Variants in ARHGAP19 observed in about 807,000 individuals in gnomAD.
ARHGAP19 encodes the protein rho GTPase-activating protein 19.
A neutral mutation model predicts 60.9 loss-of-function variants in ARHGAP19; 48 were observed. That is an observed-to-expected ratio of 0.79 (90% CI 0.62 to 1.00). ARHGAP19 has a LOEUF of 1.00. Ranked by LOEUF, ARHGAP19 falls within the 50% of genes least tolerant of loss-of-function variation. The pLI is 0.00. For synonymous variants in ARHGAP19, 209 were observed against 215.5 expected, an observed-to-expected ratio of 0.97 and a Z score of 0.27; for missense variants, 562 against 597.2, an observed-to-expected ratio of 0.94 and a Z score of 0.61.
intron 8 of ARHGAP19, among the ~76,000 whole-genome samples, chr10:97,236,317 T>G (rs748342135): frequency 2.2e-4 from 34 of 152,296 alleles, no homozygotes; most frequent in African/African-American, 5.1e-4. Flanking sequence ...ATTTCGGAAC[T>G]GTAAAAATTT....
chr10:97,243,105 T>A (rs1842513916), intron 8 of ARHGAP19, among the ~76,000 whole-genome samples: 1 of 152,208 alleles, frequency 6.6e-6, no homozygotes, highest in Non-Finnish European at 1.5e-5. Flanking sequence ...TTGCTAGATC[T>A]CAAAGTAATT....
chr10:97,260,021 G>C (rs902648263), intron 4 of ARHGAP19, among the ~76,000 whole-genome samples: 3 of 151,462 alleles, frequency 2.0e-5, no homozygotes, highest in Non-Finnish European at 4.4e-5. Flanking sequence ...ATTTTTAGTA[G>C]AGGCGGGGTT....
chr10:97,288,495 G>A (rs770625732), intron 1 of ARHGAP19, among the ~76,000 whole-genome samples: 162 of 151,388 alleles, frequency 1.1e-3, no homozygotes, highest in African/African-American at 3.7e-3. Flanking sequence ...CAGGAGAATC[G>A]CTTGAACTCG....
chr10:97,257,053 A>G (rs1055902599), intron 5 of ARHGAP19, among the ~76,000 whole-genome samples: 19 of 152,082 alleles, frequency 1.2e-4, no homozygotes, highest in South Asian at 2.1e-4. Context: ...CCCGGGAGGC[A>G]GAGCTTGCAG....
In ARHGAP19 at chr10:97,229,156, C is replaced by G; in HGVS notation, c.1465G>C (p.Gly489Arg). The change falls in exon 11 of 12, where the codon GGG becomes CGG. Residue 489 changes from glycine (G) to arginine (R), a missense_variant. Transcript: ENST00000358531. ...RLKWSEGKKE[G>R]KKGFL ...TAAGTACAATTAGTACCTTTTTTCCCCTCTTTCTTCCCTTCAGACCACTTC... is the reference window on the plus strand; with the variant it reads ...TAAGTACAATTAGTACCTTTTTTCCGCTCTTTCTTCCCTTCAGACCACTTC... 6.2e-7 allele frequency: 1 copy of G among 1,613,706 alleles called. No individual in the cohort carries two copies. Among genetic ancestry groups the G allele is most frequent in the Non-Finnish European group, 8.5e-7 (1 of 1,179,656 alleles).
chr10:97,265,017 TG>T, intron 2 of ARHGAP19, 111 bp from the exon 3 acceptor site: 1 of 807,670 alleles, frequency 1.2e-6, no homozygotes, highest in African/African-American at 1.7e-5. Context: ...CATTTTCACA[TG>T]GTCAGTAAAC....
chr10:97,230,046 CA>C (rs144889449), intron 9 of ARHGAP19, among the ~76,000 whole-genome samples, 172 bp from the exon 10 acceptor site: 4,192 of 152,066 alleles, frequency 0.028, 181 homozygotes, highest in African/African-American at 0.092. Flanking sequence ...AGCATGTTAC[CA>C]AAAAAACCCA....
At chr10:97,237,558 A>G (rs975313053) in intron 8 of ARHGAP19, among the ~76,000 whole-genome samples, 1 of 152,154 alleles carries the variant, frequency 6.6e-6, no homozygotes, top group Non-Finnish European at 1.5e-5. Flanking sequence ...CATTATATAC[A>G]GTACATAATT....
intron 1 of ARHGAP19, among the ~76,000 whole-genome samples, chr10:97,268,590 C>T (rs980401990): frequency 2.0e-5 from 3 of 152,050 alleles, no homozygotes; most frequent in East Asian, 1.9e-4. Flanking sequence ...TGCTGGAAGG[C>T]GAAGGGGGAA....
intron 6 of ARHGAP19, among the ~76,000 whole-genome samples, chr10:97,250,633 C>T (rs917365366): frequency 3.3e-5 from 5 of 151,852 alleles, no homozygotes; most frequent in African/African-American, 1.2e-4. Flanking sequence ...CTGCCTTGGC[C>T]TCCCAAAGTG....
At chr10:97,258,631 A>G (rs1319805625) in intron 5 of ARHGAP19, 2 of 153,032 alleles carry the variant, frequency 1.3e-5, no homozygotes, top group Non-Finnish European at 2.9e-5. Flanking sequence ...AAACCATATT[A>G]TAAGTGGGCA....
intron 8 of ARHGAP19, among the ~76,000 whole-genome samples, chr10:97,236,498 T>C (rs1017959965): frequency 2.0e-5 from 3 of 152,142 alleles, no homozygotes; most frequent in Admixed American, 6.5e-5. Flanking sequence ...AAAATGCATC[T>C]TTCCTGATGG....
chr10:97,283,243 A>C (rs942763108), intron 1 of ARHGAP19, among the ~76,000 whole-genome samples: 3 of 152,194 alleles, frequency 2.0e-5, no homozygotes, highest in Admixed American at 6.5e-5. Context: ...CTGTAGAAAC[A>C]ACCCACCCTA....
At chr10:97,282,655 G>A (rs938801859) in intron 1 of ARHGAP19, among the ~76,000 whole-genome samples, 21 of 152,206 alleles carry the variant, frequency 1.4e-4, no homozygotes, top group Admixed American at 1.2e-3. Context: ...AGCAAGGTCT[G>A]GAACTCTGCC....
chr10:97,256,387 A>G lies in ARHGAP19; in HGVS notation c.858T>C (p.Leu286=), dbSNP rs1199788919. The G allele has an allele frequency of 6.2e-7, 1 of 1,613,836 alleles. No homozygotes were observed. The highest frequency in any genetic ancestry group is 8.5e-7 in the Non-Finnish European group (1 of 1,179,856). The change falls in exon 6 of 12, where the codon CTT becomes CTC. Residue 286 remains leucine (L), a synonymous_variant. Coordinates refer to ENST00000358531, the MANE Select transcript of ARHGAP19 (RefSeq NM_032900.6). ...LWPKNVTAND[L]QENITKLNSG... is the part of the protein sequence containing the mutation. ...TGTTTAACTTTGTGATATTCTCCTG[A>G]AGGTCATTTGCAGTGACCTATTCAG...
rs781445702 is a variant in ARHGAP19 at position 97,259,506 on chromosome 10, A to G, written c.736T>C (p.Leu246=). The stretch of plus-strand genomic sequence containing the variant: ...GCTGTCTGGTATAGGAGATCAAGCA[A>G]TAACTTCAGCAAATTACGATTAGGA... ...PPPNRNLLKL[L]LDLLYQTAKK... Residue 246 remains leucine, a synonymous_variant, in exon 5 of 12, where the codon TTG becomes CTG. Transcript: ENST00000358531. 56 of 1,614,110 alleles carry G rather than the reference A, an allele frequency of 3.5e-5. No individual in the cohort carries two copies. The highest frequency in any genetic ancestry group is 6.6e-5 in the South Asian group (6 of 91,090).
At chr10:97,238,161 C>T (rs1842411483) in intron 8 of ARHGAP19, among the ~76,000 whole-genome samples, 1 of 152,064 alleles carries the variant, frequency 6.6e-6, no homozygotes, top group African/African-American at 2.4e-5. Flanking sequence ...ATTAATGATC[C>T]TGTGTAGGCC....
In ARHGAP19 at chr10:97,271,990, T is replaced by A. The variant is rs369055524; in HGVS notation, c.57-5865A>T. Among the ~76,000 whole-genome samples, 32 of 152,220 alleles carry A rather than the reference T, an allele frequency of 2.1e-4. No homozygotes were observed. In the South Asian group the frequency reaches 6.6e-3, roughly 32 times the overall value. ...GTTATGATGTATTATCATTTTTACA[T>A]GTTGCTGAATTTGGTTTGCTAATAG... is the stretch of plus-strand genomic sequence containing the variant. On this transcript the variant is annotated intron_variant, in intron 1 of 11. Transcript: ENST00000358531.
chr10:97,292,368 G>C (rs1462301415), intron 1 of ARHGAP19, among the ~76,000 whole-genome samples: 2 of 152,236 alleles, frequency 1.3e-5, no homozygotes, highest in African/African-American at 4.8e-5. Context: ...CTCGGGCACC[G>C]GCAGGACCGA....
Sources: gnomAD v4.1 joint callset for allele counts (sites outside exome capture counted in the v4.1 genomes callset) on GRCh38, gnomAD v4.1.1 for gene constraint, MANE v1.5 for transcripts, NCBI Gene and HGNC (gene_info 2026-07-23, HGNC 2026-07-21) for gene names.